ENTREP2: variants seen among roughly 807,000 people sequenced by gnomAD.
ENTREP2 encodes endosomal transmembrane epsin interactor 2, also known as protein ENTREP2.
At chr15:29,319,328 A>G in the ENTREP2 span, among the ~76,000 whole-genome samples, 1 of 152,216 alleles carries the variant, frequency 6.6e-6, no homozygotes, top group South Asian at 2.1e-4. Flanking sequence ...TTTTGGAACA[A>G]GAAGCTCAGA....
chr15:29,389,298 T>C, the ENTREP2 span, among the ~76,000 whole-genome samples: 1 of 152,184 alleles, frequency 6.6e-6, no homozygotes, highest in Non-Finnish European at 1.5e-5. Context: ...TATTTCGTTA[T>C]GGCAGCCTAA....
chr15:29,456,179 G>A, the ENTREP2 span, among the ~76,000 whole-genome samples: 1 of 151,982 alleles, frequency 6.6e-6, no homozygotes, highest in Admixed American at 6.6e-5. Context: ...TGCTGATGTA[G>A]AGAATTTGGT....
chr15:29,155,247 A>C, the ENTREP2 span, among the ~76,000 whole-genome samples: 2 of 149,306 alleles, frequency 1.3e-5, no homozygotes, highest in Non-Finnish European at 3.0e-5. Flanking sequence ...GCGCCACTGC[A>C]CTCCAGCCTG....
the ENTREP2 span, among the ~76,000 whole-genome samples, chr15:29,353,806 C>T: frequency 1.3e-5 from 2 of 152,128 alleles, no homozygotes; most frequent in African/African-American, 2.4e-5. Context: ...TCTTATGATC[C>T]CCATGTTACC....
At chr15:29,259,873 A>T in the ENTREP2 span, among the ~76,000 whole-genome samples, 1 of 152,116 alleles carries the variant, frequency 6.6e-6, no homozygotes, top group East Asian at 1.9e-4. Context: ...ACAAAAGCCC[A>T]GAAACCTCTG....
the ENTREP2 span, among the ~76,000 whole-genome samples, chr15:29,207,421 T>G: frequency 8.2e-6 from 1 of 121,758 alleles, no homozygotes; most frequent in Non-Finnish European, 1.6e-5. Context: ...ATCTTCCACC[T>G]CCTACGAGCG....
chr15:29,491,549 T>TA, the ENTREP2 span, among the ~76,000 whole-genome samples: 1 of 152,174 alleles, frequency 6.6e-6, no homozygotes, highest in Non-Finnish European at 1.5e-5. Context: ...TTTCATATTG[T>TA]AGAAGGCTTT....
chr15:29,539,087 G>A, the ENTREP2 span, among the ~76,000 whole-genome samples: 271 of 152,280 alleles, frequency 1.8e-3, 1 homozygote, highest in African/African-American at 6.1e-3. Flanking sequence ...AACATCGGGA[G>A]ACTGCCTTCC....
chr15:29,382,624 C>T, the ENTREP2 span, among the ~76,000 whole-genome samples: 1 of 152,186 alleles, frequency 6.6e-6, no homozygotes, highest in African/African-American at 2.4e-5. Context: ...CTCTCTCCTG[C>T]CTCCTCCCTA....
At chr15:29,505,523 C>T in the ENTREP2 span, among the ~76,000 whole-genome samples, 7 of 152,178 alleles carry the variant, frequency 4.6e-5, no homozygotes, top group African/African-American at 1.4e-4. The surrounding 1 kb of genome is among the most constrained non-coding windows in gnomAD (Gnocchi z 4.3). Context: ...TGGCATCTGG[C>T]AGGTGCCCCT....
the ENTREP2 span, among the ~76,000 whole-genome samples, chr15:29,176,902 CT>C: frequency 2.0e-5 from 3 of 152,232 alleles, no homozygotes; most frequent in Admixed American, 1.3e-4. Context: ...GTCCTGTCCC[CT>C]GCTGCTGCTG....
At chr15:29,435,500 A>G in the ENTREP2 span, among the ~76,000 whole-genome samples, 4 of 152,064 alleles carry the variant, frequency 2.6e-5, no homozygotes, top group Non-Finnish European at 5.9e-5. Flanking sequence ...TATGTTTGTT[A>G]ATATCCTTTT....
the ENTREP2 span, among the ~76,000 whole-genome samples, chr15:29,624,909 A>G: frequency 4.4e-3 from 538 of 121,970 alleles, 1 homozygote; most frequent in African/African-American, 0.011. Context: ...GTGTGTGTGT[A>G]TAGTTTTATG....
chr15:29,451,297 G>A, the ENTREP2 span, among the ~76,000 whole-genome samples: 4 of 151,884 alleles, frequency 2.6e-5, no homozygotes, highest in Non-Finnish European at 4.4e-5. Context: ...CTCGGCCCTC[G>A]CCTCTCGCCT....
chr15:29,447,653 A>ATTTTTTTTTTT, the ENTREP2 span, among the ~76,000 whole-genome samples: 1 of 141,204 alleles, frequency 7.1e-6, no homozygotes, highest in Non-Finnish European at 1.5e-5. Flanking sequence ...GACCTGGCTG[A>ATTTTTTTTTTT]TTTTTTTTTT....
the ENTREP2 span, chr15:29,151,729 C>T: frequency 1.9e-6 from 3 of 1,549,974 alleles, no homozygotes; most frequent in Non-Finnish European, 2.6e-6. Flanking sequence ...GATCAGGCCA[C>T]TCACCATCTG....
At chr15:29,492,466 G>A in the ENTREP2 span, among the ~76,000 whole-genome samples, 1 of 152,094 alleles carries the variant, frequency 6.6e-6, no homozygotes, top group Non-Finnish European at 1.5e-5. Flanking sequence ...ATTGTAAAAG[G>A]AGAAGTACAT....
At chr15:29,483,639 GAAATA>G in the ENTREP2 span, among the ~76,000 whole-genome samples, 2 of 152,154 alleles carry the variant, frequency 1.3e-5, no homozygotes, top group Non-Finnish European at 2.9e-5. Context: ...TAACTAGTTA[GAAATA>G]AATTGTCTAT....
chr15:29,186,363 G>C, the ENTREP2 span, among the ~76,000 whole-genome samples: 2 of 152,202 alleles, frequency 1.3e-5, no homozygotes, highest in Non-Finnish European at 2.9e-5. Context: ...CTGGGTCCCA[G>C]AGTCTCCCAA....
Sources: allele counts gnomAD v4.1 joint callset (sites outside exome capture counted in the v4.1 genomes callset), GRCh38; gene constraint gnomAD v4.1.1; non-coding constraint Gnocchi (gnomAD v3.1); transcripts MANE v1.5; gene names NCBI Gene and HGNC (gene_info 2026-07-23, HGNC 2026-07-21).